NPEPL1: variants seen among roughly 807,000 people sequenced by gnomAD.
The protein encoded by NPEPL1 is aminopeptidase like 1.
In NPEPL1, 45 loss-of-function variants were observed where a neutral mutation model predicts 52.4. The observed-to-expected ratio is 0.86, with a 90% CI of 0.68 to 1.10. NPEPL1 has a LOEUF of 1.10. NPEPL1 is among the 50% of genes least tolerant of loss of function. The pLI, the probability that NPEPL1 is intolerant of heterozygous loss-of-function variation, is 0.00. For synonymous variants in NPEPL1, 360 were observed against 314.7 expected, an observed-to-expected ratio of 1.14 and a Z score of -1.52; for missense variants, 696 against 710.9, an observed-to-expected ratio of 0.98 and a Z score of 0.24.
At chr20:58,705,345 G>A (rs552167380) in intron 6 of NPEPL1, among the ~76,000 whole-genome samples, 3 of 152,126 alleles carry the variant, frequency 2.0e-5, no homozygotes, top group African/African-American at 4.8e-5. Flanking sequence ...TGCTCTGACC[G>A]ACCACTGCCC....
In NPEPL1 at chr20:58,713,864, T is replaced by G. The variant is rs915588885; in HGVS notation, c.1126-53T>G. The G allele has an allele frequency of 7.1e-7, 1 of 1,408,728 alleles. No homozygotes were observed. The highest frequency in any genetic ancestry group is 1.5e-5 in the African/African-American group (1 of 68,314). 87.3% of individuals were successfully genotyped at this position (1,408,728 alleles called of 1,614,324 possible). On this transcript the variant is annotated intron_variant, in intron 9 of 11. Transcript: ENST00000356091. This position sits in a 1 kb window ranked among gnomAD's most constrained non-coding sequence, Gnocchi z 4.6. Reference sequence around the variant, plus strand: ...CTCCCGGTCCCTCTTTTGCCTTGGGTGTTTCTCTCCTGCCGTCCCGTCCAC... The same window carrying G: ...CTCCCGGTCCCTCTTTTGCCTTGGGGGTTTCTCTCCTGCCGTCCCGTCCAC...
At position 58,698,545 on chromosome 20, in the gene NPEPL1, C is replaced by G. The variant is rs959652851; in HGVS notation, c.508-139C>G. On this transcript the variant is annotated intron_variant, in intron 3 of 11. Coordinates refer to ENST00000356091, the MANE Select transcript of NPEPL1 (RefSeq NM_024663.4). ...GGGCAGGCAGCGAGAGCCATGGTCC[C>G]CCTCTCCCCTCTCTTTGCTGCCCTG... 1.1e-5 allele frequency: 8 copies of G among 740,032 alleles called. No homozygotes were observed. The African/African-American group carries it at 1.4e-4, about 13-fold the overall frequency. The allele number at this position is 740,032 out of a possible 1,614,324, so 45.8% of individuals were successfully genotyped here.
rs2084904509 is a variant in NPEPL1 at position 58,713,876 on chromosome 20, GC to G, written c.1126-39del. ...CTTTTGCCTTGGGTGTTTCTCTCCT[GC>G]CGTCCCGTCCACACGCTTCCCGGGT... On this transcript the variant is annotated intron_variant, in intron 9 of 11. Coordinates refer to ENST00000356091, the MANE Select transcript of NPEPL1 (RefSeq NM_024663.4). This position sits in a 1 kb window ranked among gnomAD's most constrained non-coding sequence, Gnocchi z 4.6. The G allele has an allele frequency of 7.0e-7, 1 of 1,420,312 alleles. No individual in the cohort carries two copies. The highest frequency in any genetic ancestry group is 1.5e-5 in the African/African-American group (1 of 68,492). The allele number at this position is 1,420,312 out of a possible 1,614,324, so 88.0% of individuals were successfully genotyped here.
chr20:58,704,254 C>T (rs779370114), intron 6 of NPEPL1: 407 of 984,982 alleles, frequency 4.1e-4, no homozygotes, highest in Admixed American at 1.5e-3. Flanking sequence ...AAAAGCAAGC[C>T]GGCTGGAGCC....
At position 58,694,522 on chromosome 20, in the gene NPEPL1, A is replaced by G. The variant is rs1460518284; in HGVS notation, c.437A>G (p.Lys146Arg). The part of the protein sequence containing the change: ...HRSGASRRLE[K>R]KTVTVEFFLV... ...TCAGGTGCCTCTCGGCGCTTGGAGA[A>G]GAAGACGGTCACCGTGGAGTTTTTC... Residue 146 changes from lysine to arginine, a missense_variant, in exon 3 of 12, where the codon AAG (lysine) becomes AGG (arginine). Lys to Arg is a conservative substitution (Grantham distance 26). Coordinates refer to ENST00000356091, the MANE Select transcript of NPEPL1 (RefSeq NM_024663.4). The G allele has an allele frequency of 6.2e-7, 1 of 1,613,886 alleles. No individual in the cohort carries two copies. Among genetic ancestry groups the G allele is most frequent in the African/African-American group, 1.3e-5 (1 of 74,936 alleles).
intron 6 of NPEPL1, among the ~76,000 whole-genome samples, chr20:58,704,781 A>G (rs956721847): frequency 1.3e-5 from 2 of 152,250 alleles, no homozygotes; most frequent in African/African-American, 2.4e-5. Context: ...CTAACTAACT[A>G]TGAACATTCT....
intron 6 of NPEPL1, chr20:58,704,084 G>A: frequency 1.0e-6 from 1 of 985,348 alleles, no homozygotes; most frequent in African/African-American, 1.7e-5. Flanking sequence ...TGTGGAGTGG[G>A]CGCTGAGGCT....
intron 6 of NPEPL1, among the ~76,000 whole-genome samples, chr20:58,705,782 G>A (rs1259313430): frequency 6.6e-6 from 1 of 152,194 alleles, no homozygotes; most frequent in Non-Finnish European, 1.5e-5. Flanking sequence ...GTGAGCAGCC[G>A]TTTCCAGGCA....
upstream of NPEPL1, chr20:58,692,099 C>T (rs2084360698): frequency 3.2e-5 from 15 of 473,768 alleles, no homozygotes; most frequent in South Asian, 4.8e-4. This position sits in a 1 kb window ranked among gnomAD's most constrained non-coding sequence, Gnocchi z 5.7. Context: ...TGCCAGATGA[C>T]CCTTCTTGCA....
At chr20:58,698,833 AGGAGAG>A in intron 4 of NPEPL1, 60 bp downstream of exon 4, 1 of 1,432,780 alleles carries the variant, frequency 7.0e-7, no homozygotes, top group Non-Finnish European at 9.7e-7. Flanking sequence ...ATAGACTCCC[AGGAGAG>A]CCAGAGGAAA....
chr20:58,699,047 G>C, intron 4 of NPEPL1, 150 bp from the exon 5 acceptor site: 1 of 751,190 alleles, frequency 1.3e-6, no homozygotes, highest in Non-Finnish European at 2.3e-6. Context: ...CCCCTCTTCT[G>C]GGTTTCATCA....
rs368087584 is a variant in NPEPL1 at position 58,713,475 on chromosome 20, G to A, written c.1057G>A (p.Val353Met). 342 of 1,611,254 alleles carry A rather than the reference G, an allele frequency of 2.1e-4. No individual in the cohort carries two copies. The highest frequency in any genetic ancestry group is 3.3e-4 in the Middle Eastern group (2 of 6,020). The stretch of plus-strand genomic sequence containing the variant: ...GGGCAGGCTGGTGCTGGCAGATGGC[G>A]TGTCCTATGCTTGCAAGGACCTGGG... ...AEGRLVLADG[V>M]SYACKDLGAD... is the part of the protein sequence containing the mutation. Residue 353 changes from valine to methionine, a missense_variant, in exon 9 of 12, where the codon GTG (valine) becomes ATG (methionine). Physicochemically the swap from Val to Met is conservative, Grantham distance 21 (BLOSUM62 1). Coordinates refer to ENST00000356091, the MANE Select transcript of NPEPL1 (RefSeq NM_024663.4). This position sits in a 1 kb window ranked among gnomAD's most constrained non-coding sequence, Gnocchi z 4.6.
chr20:58,707,266 C>A, intron 7 of NPEPL1, 66 bp downstream of exon 7: 1 of 1,364,186 alleles, frequency 7.3e-7, no homozygotes, highest in Non-Finnish European at 1.0e-6. Flanking sequence ...CTCCCCTCTC[C>A]CCTGTCCGTC....
chr20:58,701,177 C>G lies in NPEPL1; in HGVS notation c.822+19C>G, dbSNP rs1032208718. On this transcript the variant is annotated intron_variant, in intron 6 of 11. Coordinates refer to ENST00000356091, the MANE Select transcript of NPEPL1 (RefSeq NM_024663.4). Reference sequence around the variant, plus strand: ...AGGGAAGGTGAGGTGCGGGCTGGCTCTCAGGGTGCCCTGGGGGAGGGGAGG... The same window carrying G: ...AGGGAAGGTGAGGTGCGGGCTGGCTGTCAGGGTGCCCTGGGGGAGGGGAGG... 7.1e-7 allele frequency: 1 copy of G among 1,416,060 alleles called. No homozygotes were observed. The highest frequency in any genetic ancestry group is 9.4e-7 in the Non-Finnish European group (1 of 1,065,112). The allele number at this position is 1,416,060 out of a possible 1,614,324, so 87.7% of individuals were successfully genotyped here.
chr20:58,694,688 A>G (rs2084426005), intron 3 of NPEPL1, 96 bp downstream of exon 3: 1 of 1,309,324 alleles, frequency 7.6e-7, no homozygotes, highest in Admixed American at 2.9e-5. Flanking sequence ...TTGCGGGGGC[A>G]GGAGGGGGTT....
chr20:58,691,671 C>CT (rs1267831468), upstream of NPEPL1: 38 of 756,852 alleles, frequency 5.0e-5, no homozygotes, highest in East Asian at 5.5e-4. Context: ...GTTGACAGTG[C>CT]TTTTTTTTCT....
chr20:58,707,025 T>TGGGGCTAGCGTGGGGCCGGGTGGGGGTGG (rs2084747818), intron 6 of NPEPL1, 98 bp from the exon 7 acceptor site: 5 of 1,006,586 alleles, frequency 5.0e-6, no homozygotes, highest in Non-Finnish European at 6.8e-6. Flanking sequence ...CTGGGGAAGG[T>TGGGGCTAGCGTGGGGCCGGGTGGGGGTGG]GGGGCTAGCG....
chr20:58,709,862 G>C (rs1568858851), intron 7 of NPEPL1, among the ~76,000 whole-genome samples: 1 of 152,290 alleles, frequency 6.6e-6, no homozygotes, highest in Admixed American at 6.5e-5. Context: ...GGCTTGATGT[G>C]TGGTCTGATC....
chr20:58,714,523 G>A, intron 10 of NPEPL1, 37 bp from the exon 11 acceptor site: 1 of 1,481,298 alleles, frequency 6.8e-7, no homozygotes, highest in Non-Finnish European at 9.1e-7. Context: ...CCCGGCCGGA[G>A]CAACCCACAG....
Sources: allele counts gnomAD v4.1 joint callset (sites outside exome capture counted in the v4.1 genomes callset), GRCh38; gene constraint gnomAD v4.1.1; non-coding constraint Gnocchi (gnomAD v3.1); transcripts MANE v1.5; gene names NCBI Gene and HGNC (gene_info 2026-07-23, HGNC 2026-07-21).